Variants in HEMK2 observed in about 807,000 individuals in gnomAD.
HEMK2 encodes HemK methyltransferase 2, ETF1 glutamine and histone H4 lysine.
the HEMK2 span, among the ~76,000 whole-genome samples, chr21:28,776,169 T>C: frequency 6.6e-6 from 1 of 152,212 alleles, no homozygotes; most frequent in Non-Finnish European, 1.5e-5. Context: ...GGAGTTTCAA[T>C]GGCAATGCCT....
At chr21:28,648,631 C>G in the HEMK2 span, among the ~76,000 whole-genome samples, 1 of 152,110 alleles carries the variant, frequency 6.6e-6, no homozygotes. Flanking sequence ...TTAGTTCAAC[C>G]TTGATCTTCT....
the HEMK2 span, among the ~76,000 whole-genome samples, chr21:28,737,964 C>A: frequency 6.6e-6 from 1 of 152,202 alleles, no homozygotes; most frequent in Admixed American, 6.5e-5. Context: ...GGAGCAAACA[C>A]TGAAAAGCCA....
chr21:28,721,987 T>A, the HEMK2 span, among the ~76,000 whole-genome samples: 4 of 151,428 alleles, frequency 2.6e-5, no homozygotes, highest in African/African-American at 9.7e-5. Context: ...AAATTACTTA[T>A]CAGTAAATAG....
At chr21:28,856,432 T>C in the HEMK2 span, among the ~76,000 whole-genome samples, 8 of 151,846 alleles carry the variant, frequency 5.3e-5, no homozygotes, top group East Asian at 1.2e-3. Flanking sequence ...AAAAAAAGAA[T>C]AATAATAATT....
the HEMK2 span, among the ~76,000 whole-genome samples, chr21:28,586,215 T>A: frequency 2.6e-5 from 4 of 152,306 alleles, no homozygotes; most frequent in South Asian, 2.1e-4. Flanking sequence ...AGCTAAACAT[T>A]ATGCATATGT....
At chr21:28,884,711 T>C in the HEMK2 span, among the ~76,000 whole-genome samples, 4 of 152,324 alleles carry the variant, frequency 2.6e-5, no homozygotes, top group South Asian at 6.2e-4. Context: ...TGGCTGGTGC[T>C]AGAGTATGCT....
At chr21:28,678,494 C>T in the HEMK2 span, among the ~76,000 whole-genome samples, 1 of 152,162 alleles carries the variant, frequency 6.6e-6, no homozygotes, top group African/African-American at 2.4e-5. Context: ...AGGAGAACTT[C>T]CCCAATCTAG....
the HEMK2 span, among the ~76,000 whole-genome samples, chr21:28,686,432 AC>A: frequency 6.6e-6 from 1 of 151,992 alleles, no homozygotes; most frequent in African/African-American, 2.4e-5. Context: ...ATGGGGTTTC[AC>A]TGTGTTGGCC....
the HEMK2 span, among the ~76,000 whole-genome samples, chr21:28,707,676 A>T: frequency 6.6e-6 from 1 of 152,148 alleles, no homozygotes; most frequent in Non-Finnish European, 1.5e-5. Context: ...TCAATAAACT[A>T]TCCTACTATA....
chr21:28,801,349 G>A, the HEMK2 span, among the ~76,000 whole-genome samples: 1 of 152,026 alleles, frequency 6.6e-6, no homozygotes, highest in Admixed American at 6.6e-5. Flanking sequence ...CAAATGGATC[G>A]AATATTTTAT....
chr21:28,710,185 G>C, the HEMK2 span, among the ~76,000 whole-genome samples: 1 of 152,188 alleles, frequency 6.6e-6, no homozygotes, highest in Non-Finnish European at 1.5e-5. Context: ...TCTGTCATCA[G>C]ATGCCTTTCA....
At chr21:28,763,377 G>A in the HEMK2 span, among the ~76,000 whole-genome samples, 1 of 152,114 alleles carries the variant, frequency 6.6e-6, no homozygotes, top group Non-Finnish European at 1.5e-5. Context: ...CATATGGTGA[G>A]AGAGGAAGCA....
the HEMK2 span, among the ~76,000 whole-genome samples, chr21:28,766,488 C>A: frequency 1.1e-4 from 16 of 151,890 alleles, no homozygotes; most frequent in Admixed American, 1.3e-4. Context: ...TTTAATCCAG[C>A]AATCACACTA....
At chr21:28,727,923 T>C in the HEMK2 span, among the ~76,000 whole-genome samples, 5 of 152,236 alleles carry the variant, frequency 3.3e-5, no homozygotes, top group African/African-American at 1.2e-4. Context: ...ATGAAGTGTG[T>C]GTATGCATAC....
At chr21:28,849,658 C>T in the HEMK2 span, among the ~76,000 whole-genome samples, 6 of 152,086 alleles carry the variant, frequency 3.9e-5, no homozygotes, top group South Asian at 4.2e-4. Context: ...AACACGAAAT[C>T]GCCATTTTAA....
At chr21:28,725,228 T>G in the HEMK2 span, among the ~76,000 whole-genome samples, 12 of 152,162 alleles carry the variant, frequency 7.9e-5, no homozygotes, top group African/African-American at 2.4e-4. Context: ...GCATGCTAAA[T>G]TGTATTGAAA....
the HEMK2 span, among the ~76,000 whole-genome samples, chr21:28,830,246 T>G: frequency 6.6e-6 from 1 of 152,108 alleles, no homozygotes; most frequent in Non-Finnish European, 1.5e-5. Context: ...GGGGGAGGGA[T>G]CTGGTGGGAG....
At chr21:28,655,658 G>A in the HEMK2 span, among the ~76,000 whole-genome samples, 1 of 151,872 alleles carries the variant, frequency 6.6e-6, no homozygotes, top group African/African-American at 2.4e-5. Flanking sequence ...GTAAGATAAG[G>A]ATAATAATAT....
the HEMK2 span, among the ~76,000 whole-genome samples, chr21:28,745,840 C>CAAG: frequency 6.6e-6 from 1 of 152,206 alleles, no homozygotes; most frequent in Admixed American, 6.5e-5. Flanking sequence ...AGCATGTATA[C>CAAG]AAGAACATGT....
Sources: gnomAD v4.1 joint callset for allele counts (sites outside exome capture counted in the v4.1 genomes callset) on GRCh38, gnomAD v4.1.1 for gene constraint, MANE v1.5 for transcripts, NCBI Gene and HGNC (gene_info 2026-07-23, HGNC 2026-07-21) for gene names.